Variants in PSIP1 observed in about 807,000 individuals in gnomAD.
PSIP1 encodes the protein PC4 and SFRS1-interacting protein.
A neutral mutation model predicts 74.7 loss-of-function variants in PSIP1; 19 were observed. That is an observed-to-expected ratio of 0.25 (90% CI 0.18 to 0.37). The LOEUF is 0.37. Among genes scored for constraint, PSIP1 ranks in the 10% least tolerant of loss-of-function variants. The pLI is 1.00. For synonymous variants in PSIP1, 222 were observed against 195.3 expected (o/e 1.14, Z -1.14); for missense variants, 601 against 614.3 (o/e 0.98, Z 0.23).
intron 8 of PSIP1, among the ~76,000 whole-genome samples, chr9:15,476,300 T>C (rs1169236920): frequency 6.6e-6 from 1 of 152,174 alleles, no homozygotes; most frequent in Admixed American, 6.5e-5. Flanking sequence ...ATGTAGTCAC[T>C]TGCTTTAGGG....
At chr9:15,503,028 C>G (rs2037416145) in intron 3 of PSIP1, among the ~76,000 whole-genome samples, 1 of 152,210 alleles carries the variant, frequency 6.6e-6, no homozygotes, top group Admixed American at 6.5e-5. Context: ...TACCTTTCTT[C>G]TAGTTTAGCA....
chr9:15,498,687 T>G (rs1040610235), intron 3 of PSIP1, among the ~76,000 whole-genome samples: 1 of 152,062 alleles, frequency 6.6e-6, no homozygotes, highest in African/African-American at 2.4e-5. Context: ...CTTAATATGC[T>G]AAGTAAATGC....
intron 6 of PSIP1, among the ~76,000 whole-genome samples, chr9:15,485,672 T>A (rs1435892545): frequency 6.6e-6 from 1 of 152,182 alleles, no homozygotes; most frequent in Non-Finnish European, 1.5e-5. Flanking sequence ...GTATCAGGAT[T>A]TAGCATAAAC....
chr9:15,470,970 G>T, intron 10 of PSIP1: 1 of 1,181,796 alleles, frequency 8.5e-7, no homozygotes, highest in Non-Finnish European at 1.0e-6. Flanking sequence ...AGGAATGATG[G>T]CCGACCTTAG....
chr9:15,507,103 G>C (rs1440813258), intron 2 of PSIP1, among the ~76,000 whole-genome samples: 1 of 152,132 alleles, frequency 6.6e-6, no homozygotes, highest in African/African-American at 2.4e-5. Flanking sequence ...TGTAAAAGCA[G>C]ACATTGACAA....
At chr9:15,504,309 GTTAT>G (rs1175140647) in intron 3 of PSIP1, among the ~76,000 whole-genome samples, 15 of 152,044 alleles carry the variant, frequency 9.9e-5, no homozygotes, top group Admixed American at 9.2e-4. Context: ...CAACAGTTTA[GTTAT>G]TTAGTTTAGT....
chr9:15,488,978 G>C (rs896681251), intron 4 of PSIP1, among the ~76,000 whole-genome samples: 1 of 152,132 alleles, frequency 6.6e-6, no homozygotes, highest in Non-Finnish European at 1.5e-5. Context: ...CCAAGATAGA[G>C]CCAATGCACC....
Position 15,506,468 on chromosome 9 carries a change from A to G in PSIP1, c.149+93T>C, listed in dbSNP as rs570237044. 4.5e-6 allele frequency: 4 copies of G among 890,584 alleles called. No homozygotes were observed. In the Admixed American group the frequency reaches 6.7e-5, roughly 15 times the overall value. 55.2% of individuals were successfully genotyped at this position (890,584 alleles called of 1,614,324 possible). The stretch of plus-strand genomic sequence containing the variant: ...AAGTTCAAAGATTTTAAAGTTTCCT[A>G]TTACGTTACGATTTCCCCCTTGAAT... On this transcript the variant is annotated intron_variant, in intron 3 of 15. Coordinates refer to ENST00000380733, the MANE Select transcript of PSIP1 (RefSeq NM_033222.5).
At chr9:15,507,762 G>A (rs2037663461) in intron 2 of PSIP1, among the ~76,000 whole-genome samples, 2 of 152,196 alleles carry the variant, frequency 1.3e-5, no homozygotes, top group Non-Finnish European at 2.9e-5. Context: ...GACCATCAGA[G>A]GACCTACTAT....
At chr9:15,506,672 A>C (rs1410515113) in intron 2 of PSIP1, 35 bp from the exon 3 acceptor site, 1 of 1,434,068 alleles carries the variant, frequency 7.0e-7, no homozygotes, top group South Asian at 1.1e-5. Flanking sequence ...AAATATTTTA[A>C]ATCATACACA....
At chr9:15,468,925 T>G (rs1187789271) in intron 13 of PSIP1, 32 bp downstream of exon 13, 10 of 1,607,078 alleles carry the variant, frequency 6.2e-6, no homozygotes, top group African/African-American at 1.3e-5. Flanking sequence ...ATGACAAAAT[T>G]CAAAGAATCC....
At chr9:15,472,860 A>G (rs2035900814) in intron 9 of PSIP1, 110 bp from the exon 10 acceptor site, 1 of 1,011,710 alleles carries the variant, frequency 9.9e-7, no homozygotes, top group Non-Finnish European at 1.5e-6. Flanking sequence ...AAAGGGATGA[A>G]TACTCAAATT....
chr9:15,472,010 T>C (rs2035854658), intron 10 of PSIP1: 19 of 973,378 alleles, frequency 2.0e-5, no homozygotes, highest in Middle Eastern at 5.2e-4. Flanking sequence ...ATTATTATCA[T>C]TGCTATTACT....
chr9:15,482,128 T>C (rs2036363394), intron 6 of PSIP1, among the ~76,000 whole-genome samples: 1 of 152,094 alleles, frequency 6.6e-6, no homozygotes, highest in African/African-American at 2.4e-5. Context: ...AACACACCAC[T>C]TCACACACAC....
chr9:15,510,325 G>A lies in PSIP1; in HGVS notation c.-137C>T. On this transcript the variant is annotated 5_prime_UTR_variant, in exon 2 of 16. Transcript: ENST00000380733. ...AGGATGCCTCGGGGCGTCCCGACGC[G>A]CCTGCTAGGGAGAGCACCGAGGGCG... is the stretch of plus-strand genomic sequence containing the variant. 2 of 501,064 alleles carry A rather than the reference G, an allele frequency of 4.0e-6. No individual in the cohort carries two copies. Among genetic ancestry groups the A allele is most frequent in the Admixed American group, 4.5e-5 (1 of 22,166 alleles). The allele number at this position is 501,064 out of a possible 1,614,324, so 31.0% of individuals were successfully genotyped here. A position where few individuals can be genotyped will look rare whatever the true frequency, so the allele number is the denominator to read the frequency against.
chr9:15,490,703 A>G (rs996373865), intron 3 of PSIP1, among the ~76,000 whole-genome samples: 1 of 151,654 alleles, frequency 6.6e-6, no homozygotes, highest in African/African-American at 2.4e-5. Context: ...AAAAAAAAAA[A>G]AAGGTTAATT....
intron 3 of PSIP1, among the ~76,000 whole-genome samples, chr9:15,501,867 A>ATAT (rs1188842040): frequency 6.9e-6 from 1 of 144,428 alleles, no homozygotes; most frequent in African/African-American, 2.7e-5. Context: ...ATATATATAT[A>ATAT]AAACGCACAC....
intron 14 of PSIP1, among the ~76,000 whole-genome samples, chr9:15,467,980 T>G (rs760785257): frequency 1.3e-5 from 2 of 151,728 alleles, no homozygotes; most frequent in Non-Finnish European, 2.9e-5. Flanking sequence ...ATTAGCTAGG[T>G]GTGGTGGCGT....
At chr9:15,473,788 C>G (rs1231816418) in intron 9 of PSIP1, among the ~76,000 whole-genome samples, 2 of 151,800 alleles carry the variant, frequency 1.3e-5, no homozygotes, top group African/African-American at 4.8e-5. Context: ...GTACTTCCAG[C>G]TACTCAGGAG....
Sources: allele counts gnomAD v4.1 joint callset (sites outside exome capture counted in the v4.1 genomes callset), GRCh38; gene constraint gnomAD v4.1.1; transcripts MANE v1.5; gene names NCBI Gene and HGNC (gene_info 2026-07-23, HGNC 2026-07-21).